JARID2: variants seen among roughly 807,000 people sequenced by gnomAD.
JARID2 encodes the protein protein Jumonji.
In JARID2, 21 loss-of-function variants were observed where a neutral mutation model predicts 125.6. The observed-to-expected ratio is 0.17, with a 90% CI of 0.12 to 0.24. The LOEUF (loss-of-function observed/expected upper bound fraction) is 0.24, where lower values mean the gene tolerates loss of function less well. Among genes scored for constraint, JARID2 ranks in the 10% least tolerant of loss-of-function variants. The probability of loss-of-function intolerance (pLI) is 1.00; values close to 1 mark genes in which losing one functional copy is unlikely to be tolerated. For missense variants in JARID2, 1,303 were observed against 1,639.6 expected (o/e 0.79, Z 3.55); for synonymous variants, 736 against 661.6 (o/e 1.11, Z -1.73).
At chr6:15,334,978 A>G (rs1581425243) in intron 1 of JARID2, among the ~76,000 whole-genome samples, 1 of 152,148 alleles carries the variant, frequency 6.6e-6, no homozygotes, top group South Asian at 2.1e-4. Flanking sequence ...TTAAACACTC[A>G]CCAGCCTTAC....
intron 4 of JARID2, among the ~76,000 whole-genome samples, chr6:15,458,786 A>G (rs1394619974): frequency 1.3e-5 from 2 of 152,216 alleles, no homozygotes; most frequent in Non-Finnish European, 2.9e-5. Context: ...GAATCTTTGC[A>G]GAAAGAGGAT....
At chr6:15,291,800 A>AT (rs1395933219) in intron 1 of JARID2, among the ~76,000 whole-genome samples, 1 of 152,138 alleles carries the variant, frequency 6.6e-6, no homozygotes, top group Non-Finnish European at 1.5e-5. Flanking sequence ...TTTTGCTGTA[A>AT]TTTTTTTATA....
chr6:15,468,169 CTTTTTTTTT>C (rs10700305), intron 4 of JARID2, among the ~76,000 whole-genome samples: 17 of 134,850 alleles, frequency 1.3e-4, no homozygotes, highest in South Asian at 4.8e-4. Context: ...TCTTCTCTGT[CTTTTTTTTT>C]TTTTTTTTAA....
At position 15,359,093 on chromosome 6, in the gene JARID2, T is replaced by C. The variant is rs116266642; in HGVS notation, c.46-15024T>C. Reference sequence around the variant, plus strand: ...TGTTAGAAAGGTAGGAATGTAGCTTTCTAGGAAATGCAGTGAAGAATGTTT... The same window carrying C: ...TGTTAGAAAGGTAGGAATGTAGCTTCCTAGGAAATGCAGTGAAGAATGTTT... On this transcript the variant is annotated intron_variant, in intron 1 of 17. Transcript: ENST00000341776. 6.6e-3 allele frequency among the ~76,000 whole-genome samples: 1,007 copies of C among 152,296 alleles called. 19 individuals carry two copies. Among genetic ancestry groups the C allele is most frequent in the African/African-American group, 0.022 (928 of 41,548 alleles).
intron 1 of JARID2, among the ~76,000 whole-genome samples, chr6:15,310,888 A>G (rs1051781410): frequency 1.1e-4 from 17 of 151,954 alleles, no homozygotes; most frequent in African/African-American, 3.6e-4. Flanking sequence ...GCTGATTCCA[A>G]CTCTGGGAAT....
At chr6:15,411,207 A>G (rs1765861940) in intron 3 of JARID2, among the ~76,000 whole-genome samples, 1 of 152,112 alleles carries the variant, frequency 6.6e-6, no homozygotes, top group African/African-American at 2.4e-5. Flanking sequence ...CCCCCTTGTC[A>G]GTTCATCTCT....
chr6:15,500,745 TTC>T (rs1283125316), intron 7 of JARID2, among the ~76,000 whole-genome samples, 160 bp from the exon 8 acceptor site: 2 of 152,014 alleles, frequency 1.3e-5, no homozygotes, highest in Non-Finnish European at 1.5e-5. Context: ...TGTAACGCCC[TTC>T]TCTCTGTGGA....
chr6:15,433,380 G>T (rs1477998460), intron 3 of JARID2, among the ~76,000 whole-genome samples: 1 of 150,628 alleles, frequency 6.6e-6, no homozygotes, highest in African/African-American at 2.5e-5. Flanking sequence ...GTTGTTGGCT[G>T]CATGCCTCCT....
At chr6:15,375,739 T>G (rs368197058) in intron 2 of JARID2, among the ~76,000 whole-genome samples, 17 of 152,302 alleles carry the variant, frequency 1.1e-4, no homozygotes, top group African/African-American at 4.1e-4. Flanking sequence ...TGTGGGGGGT[T>G]GGGTATGAAG....
At chr6:15,300,716 TGTGTGTGAGAGAGA>T (rs1368274876) in intron 1 of JARID2, among the ~76,000 whole-genome samples, 49 of 139,644 alleles carry the variant, frequency 3.5e-4, no homozygotes, top group African/African-American at 1.3e-3. Context: ...TGTGTGTGTG[TGTGTGTGAGAGAGA>T]GAGAGAGAGA....
intron 1 of JARID2, among the ~76,000 whole-genome samples, chr6:15,341,102 GA>G (rs1439617801): frequency 6.6e-6 from 1 of 152,154 alleles, no homozygotes; most frequent in Non-Finnish European, 1.5e-5. Context: ...TGTGATGTTA[GA>G]AAAAGTGTTA....
intron 4 of JARID2, among the ~76,000 whole-genome samples, chr6:15,459,548 A>G (rs1768348443): frequency 1.3e-5 from 2 of 152,288 alleles, no homozygotes; most frequent in African/African-American, 2.4e-5. Flanking sequence ...GTCCAACTGT[A>G]CATTTATTTA....
intron 1 of JARID2, among the ~76,000 whole-genome samples, chr6:15,326,237 G>A (rs1450618657): frequency 6.6e-6 from 1 of 152,128 alleles, no homozygotes; most frequent in African/African-American, 2.4e-5. Context: ...GGGGGTGGAA[G>A]GTGGAGACAG....
chr6:15,496,258 G>T lies in JARID2; in HGVS notation c.1033G>T (p.Gly345Trp). The stretch of plus-strand genomic sequence containing the variant: ...GAAGTACACTGCCACGGTGACGAAG[G>T]GGGCTGTCACATACACCAAAGCCAA... ...TVKYTATVTK[G>W]AVTYTKAKRE... is the part of the protein sequence containing the mutation. The change falls in exon 7 of 18, where the codon GGG becomes TGG. Residue 345 changes from glycine to tryptophan, a missense_variant. Around this residue, in one of 11 missense-constraint regions of JARID2, gnomAD observed 651 missense variants for 581.6 expected, o/e 1.12. Transcript: ENST00000341776. 6.2e-7 allele frequency: 1 copy of T among 1,614,140 alleles called. No homozygotes were observed. The highest frequency in any genetic ancestry group is 8.5e-7 in the Non-Finnish European group (1 of 1,180,028).
intron 2 of JARID2, among the ~76,000 whole-genome samples, chr6:15,388,778 A>G (rs941294968): frequency 6.6e-6 from 1 of 152,086 alleles, no homozygotes; most frequent in African/African-American, 2.4e-5. Flanking sequence ...GCATGCTTTC[A>G]GACCCCGTAG....
intron 1 of JARID2, among the ~76,000 whole-genome samples, chr6:15,355,730 G>A (rs1313249287): frequency 2.0e-5 from 3 of 152,098 alleles, no homozygotes; most frequent in Admixed American, 2.0e-4. Context: ...TCGTGCCTCG[G>A]TCTCCAGAGG....
At chr6:15,401,097 G>T in intron 2 of JARID2, 1 of 1,288,528 alleles carries the variant, frequency 7.8e-7, no homozygotes, top group African/African-American at 1.5e-5. Flanking sequence ...GGAGAAATAG[G>T]CCTTTGTGGG....
intron 1 of JARID2, among the ~76,000 whole-genome samples, chr6:15,329,305 G>A (rs1414843473): frequency 1.3e-5 from 2 of 151,884 alleles, no homozygotes; most frequent in Non-Finnish European, 2.9e-5. Flanking sequence ...GATTAATCCT[G>A]CAATGAGTGA....
chr6:15,297,053 A>G (rs1761440890), intron 1 of JARID2, among the ~76,000 whole-genome samples: 1 of 152,216 alleles, frequency 6.6e-6, no homozygotes, highest in Non-Finnish European at 1.5e-5. Context: ...TGTCCTTGTC[A>G]TCTAAAACAT....
Sources: gnomAD v4.1 joint callset for allele counts (sites outside exome capture counted in the v4.1 genomes callset) on GRCh38, gnomAD v4.1.1 for gene constraint, gnomAD v4.1.1 regional missense constraint, MANE v1.5 for transcripts, NCBI Gene and HGNC (gene_info 2026-07-23, HGNC 2026-07-21) for gene names.